EBF1: variants seen among roughly 807,000 people sequenced by gnomAD.
EBF1 encodes the protein transcription factor COE1.
A neutral mutation model predicts 68.4 loss-of-function variants in EBF1; 10 were observed. That is an observed-to-expected ratio of 0.15 (90% CI 0.09 to 0.25). EBF1 has a LOEUF of 0.25. EBF1 is among the 10% of genes least tolerant of loss of function. The pLI, the probability that EBF1 is intolerant of heterozygous loss-of-function variation, is 1.00. For missense variants in EBF1, 509 were observed against 794.4 expected, an observed-to-expected ratio of 0.64 and a Z score of 4.32; for synonymous variants, 298 against 299.8, an observed-to-expected ratio of 0.99 and a Z score of 0.06.
chr5:158,702,542 C>G (rs1338603792), intron 15 of EBF1, among the ~76,000 whole-genome samples: 4 of 151,674 alleles, frequency 2.6e-5, no homozygotes, highest in Non-Finnish European at 5.9e-5. Flanking sequence ...AAAGACAAAA[C>G]AAAGTTCTGC....
chr5:159,034,411 T>C (rs1354561194), intron 6 of EBF1, among the ~76,000 whole-genome samples: 2 of 152,206 alleles, frequency 1.3e-5, no homozygotes, highest in Non-Finnish European at 2.9e-5. Flanking sequence ...GATATATTTT[T>C]TGTGTTTCAT....
chr5:158,709,572 A>G (rs1011604199), intron 14 of EBF1, among the ~76,000 whole-genome samples: 5 of 152,220 alleles, frequency 3.3e-5, no homozygotes, highest in African/African-American at 1.2e-4. Context: ...TGGGAATCCA[A>G]TTGGTCATAG....
At chr5:159,047,397 AG>A (rs1168975539) in intron 6 of EBF1, among the ~76,000 whole-genome samples, 3 of 152,190 alleles carry the variant, frequency 2.0e-5, no homozygotes, top group African/African-American at 7.2e-5. Context: ...TAAGGAGAGA[AG>A]GGTCTCTAGA....
At chr5:158,947,504 G>A (rs572438035) in intron 6 of EBF1, among the ~76,000 whole-genome samples, 37 of 152,282 alleles carry the variant, frequency 2.4e-4, no homozygotes, top group East Asian at 1.2e-3. Flanking sequence ...GCTTCTGCTC[G>A]CCCTCCCTGG....
At chr5:158,934,866 T>C (rs1443246792) in intron 6 of EBF1, among the ~76,000 whole-genome samples, 1 of 152,320 alleles carries the variant, frequency 6.6e-6, no homozygotes, top group South Asian at 2.1e-4. Flanking sequence ...AAATTCTTTA[T>C]GTATATGATT....
chr5:159,087,101 T>C (rs1433809047), intron 4 of EBF1, among the ~76,000 whole-genome samples: 1 of 151,934 alleles, frequency 6.6e-6, no homozygotes, highest in African/African-American at 2.4e-5. Context: ...ATGGTTTGTA[T>C]GTTCTCTAAA....
At chr5:158,821,308 T>C (rs929634644) in intron 8 of EBF1, among the ~76,000 whole-genome samples, 1 of 152,220 alleles carries the variant, frequency 6.6e-6, no homozygotes, top group African/African-American at 2.4e-5. Context: ...TAGTCCTTTA[T>C]CATGCTGCAA....
chr5:158,950,464 C>T (rs1193961267), intron 6 of EBF1, among the ~76,000 whole-genome samples: 1 of 152,102 alleles, frequency 6.6e-6, no homozygotes, highest in East Asian at 1.9e-4. Flanking sequence ...CCACACAGGA[C>T]CAGAAAGAAG....
chr5:158,820,702 C>A (rs563220228), intron 8 of EBF1, among the ~76,000 whole-genome samples: 1 of 152,250 alleles, frequency 6.6e-6, no homozygotes, highest in South Asian at 2.1e-4. Flanking sequence ...GAAATGTCAC[C>A]ATTTTTTGAA....
intron 8 of EBF1, among the ~76,000 whole-genome samples, chr5:158,811,096 G>A (rs923699893): frequency 7.9e-5 from 12 of 152,130 alleles, no homozygotes; most frequent in African/African-American, 2.7e-4. Flanking sequence ...TTTCTATAAA[G>A]TATCATTTCT....
chr5:158,823,424 C>G, intron 7 of EBF1, 107 bp from the exon 8 acceptor site: 1 of 1,054,410 alleles, frequency 9.5e-7, no homozygotes, highest in Non-Finnish European at 1.4e-6. Flanking sequence ...AATTGCATAG[C>G]TATTTCACAT....
At chr5:158,959,771 A>T (rs1264316472) in intron 6 of EBF1, among the ~76,000 whole-genome samples, 1 of 152,170 alleles carries the variant, frequency 6.6e-6, no homozygotes, top group Non-Finnish European at 1.5e-5. Flanking sequence ...ACATTATTTT[A>T]ACCAAAAATA....
chr5:158,700,084 G>C (rs1189409987), intron 15 of EBF1, among the ~76,000 whole-genome samples: 11 of 152,234 alleles, frequency 7.2e-5, no homozygotes, highest in African/African-American at 2.7e-4. Context: ...CCTGGGTTCA[G>C]CTCCTAGTGA....
chr5:158,937,546 TGCTCAGGGTCAC>T (rs1045036431), intron 6 of EBF1, among the ~76,000 whole-genome samples: 4 of 152,158 alleles, frequency 2.6e-5, no homozygotes, highest in African/African-American at 9.7e-5. Context: ...GGGAAAGAAT[TGCTCAGGGTCAC>T]GCAAAGGGGT....
At chr5:159,049,637 GC>G (rs1183410151) in intron 6 of EBF1, among the ~76,000 whole-genome samples, 1 of 152,228 alleles carries the variant, frequency 6.6e-6, no homozygotes, top group Admixed American at 6.5e-5. Flanking sequence ...TTGAGATCCA[GC>G]CCCAGCCCCA....
At chr5:158,880,000 G>A (rs1167984661) in intron 6 of EBF1, among the ~76,000 whole-genome samples, 1 of 152,216 alleles carries the variant, frequency 6.6e-6, no homozygotes, top group Non-Finnish European at 1.5e-5. Context: ...TGGAAGTGCA[G>A]ATGGGTTAAA....
chr5:158,930,727 G>A (rs550654309), intron 6 of EBF1, among the ~76,000 whole-genome samples: 1 of 152,132 alleles, frequency 6.6e-6, no homozygotes, highest in South Asian at 2.1e-4. Context: ...ATCTAATGGG[G>A]GGCAAGTATT....
chr5:158,956,728 T>G (rs1817193904), intron 6 of EBF1, among the ~76,000 whole-genome samples: 4 of 148,568 alleles, frequency 2.7e-5, no homozygotes, highest in Admixed American at 1.3e-4. Context: ...GTACTACCAC[T>G]CCCACTACCT....
At chr5:158,724,523 A>T (rs1762597730) in intron 11 of EBF1, among the ~76,000 whole-genome samples, 1 of 152,346 alleles carries the variant, frequency 6.6e-6, no homozygotes, top group African/African-American at 2.4e-5. Context: ...GTCTTTGCAT[A>T]AAGACTAAAA....
Sources: allele counts gnomAD v4.1 joint callset (sites outside exome capture counted in the v4.1 genomes callset), GRCh38; gene constraint gnomAD v4.1.1; transcripts MANE v1.5; gene names NCBI Gene and HGNC (gene_info 2026-07-23, HGNC 2026-07-21).